The following DAGLB variants were observed in gnomAD, a reference collection of about 807,000 sequenced individuals.
DAGLB encodes the protein diacylglycerol lipase-beta.
In DAGLB, 66 loss-of-function variants were observed where a neutral mutation model predicts 72.1. That is an observed-to-expected ratio of 0.92 (90% CI 0.75 to 1.12). The LOEUF (loss-of-function observed/expected upper bound fraction) is 1.12, where lower values mean the gene tolerates loss of function less well. DAGLB is among the 50% of genes most tolerant of loss of function. The pLI is 0.00. For synonymous variants in DAGLB, 414 were observed against 359.5 expected, an observed-to-expected ratio of 1.15 and a Z score of -1.71; for missense variants, 1,065 against 884.9, an observed-to-expected ratio of 1.20 and a Z score of -2.58.
At position 6,446,477 on chromosome 7, in the gene DAGLB, CAAAAAAAAAAAAAAAAA is replaced by C. The variant is rs748156438; in HGVS notation, c.96-390_96-374del. Among the ~76,000 whole-genome samples, 15 of 58,650 alleles carry C rather than the reference CAAAAAAAAAAAAAAAAA, an allele frequency of 2.6e-4. 1 individual carries two copies. The South Asian group carries it at 0.011, about 43-fold the overall frequency. The allele number at this position is 58,650 out of a possible 152,430, so 38.5% of individuals were successfully genotyped here. ...TGGGCAACGATATGAGACTCCGTCT[CAAAAAAAAAAAAAAAAA>C]AAAAAAAAAAAAAAAAGAAATAAAA... On this transcript the variant is annotated intron_variant, in intron 1 of 14. Coordinates refer to ENST00000297056, the MANE Select transcript of DAGLB (RefSeq NM_139179.4).
At chr7:6,422,822 G>T (rs778413503) in intron 8 of DAGLB, 1 of 152,140 alleles carries the variant, frequency 6.6e-6, no homozygotes, top group African/African-American at 2.4e-5. Context: ...AAACCTCAGC[G>T]TCACACAGTA....
chr7:6,447,784 A>G lies in DAGLB; in HGVS notation c.59T>C (p.Phe20Ser), dbSNP rs1785059353. Residue 20 changes from phenylalanine (F) to serine (S), a missense_variant, in exon 1 of 15, where the codon TTC becomes TCC. By Grantham distance (155) the Phe-to-Ser change is radical (BLOSUM62 -2). Transcript: ENST00000297056. ...CACGACCAGCTCGAAGAACCCTGGG[A>G]AGACCAAGTCGTCGCTGGCGATGGC... ...RWAIASDDLVFPGFFELVVRV... is the reference protein window; with the variant it reads ...RWAIASDDLVSPGFFELVVRV... 6 of 1,613,664 alleles carry G rather than the reference A, an allele frequency of 3.7e-6. No individual in the cohort carries two copies. Among genetic ancestry groups the G allele is most frequent in the East Asian group, 4.5e-5 (2 of 44,854 alleles).
intron 2 of DAGLB, among the ~76,000 whole-genome samples, chr7:6,445,030 G>A (rs138711157): frequency 7.2e-5 from 11 of 152,306 alleles, no homozygotes; most frequent in Non-Finnish European, 1.2e-4. Flanking sequence ...ATACACTGCT[G>A]GTGGGAATGT....
intron 6 of DAGLB, among the ~76,000 whole-genome samples, chr7:6,428,315 CAAAAAAAAAA>C (rs749361631): frequency 3.9e-5 from 3 of 76,998 alleles, no homozygotes; most frequent in East Asian, 7.1e-4. Flanking sequence ...GACTCTGTCT[CAAAAAAAAAA>C]AAAAAAAAAA....
Position 6,434,825 on chromosome 7 carries a change from C to T in DAGLB, c.615G>A (p.Gly205=). 1 of 1,614,180 alleles carries T rather than the reference C, an allele frequency of 6.2e-7. No individual in the cohort carries two copies. Among genetic ancestry groups the T allele is most frequent in the Non-Finnish European group, 8.5e-7 (1 of 1,180,038 alleles). The change falls in exon 4 of 15, where the codon GGG becomes GGA. Residue 205 remains glycine, a synonymous_variant. Transcript: ENST00000297056. The stretch of plus-strand genomic sequence containing the variant: ...AAGCAACCCGAGTATGGTCGTCTTT[C>T]CCAATGCAACAGCACAAGAGCTTGA... The part of the protein sequence containing the change: ...TRIKLLCCCI[G]KDDHTRVAFS...
In DAGLB at chr7:6,409,647, TCTG is replaced by T. The variant is rs1240977652; in HGVS notation, c.*187_*189del. ...CTATCACCTGAGCGTGCTCACTACT[TCTG>T]CTACCATTATGGCCACAATGACTTC... On this transcript the variant is annotated 3_prime_UTR_variant, in exon 15 of 15. Transcript: ENST00000297056. 50 of 711,370 alleles carry T rather than the reference TCTG, an allele frequency of 7.0e-5. No individual in the cohort carries two copies. Among genetic ancestry groups the T allele is most frequent in the Non-Finnish European group, 1.0e-4 (45 of 438,420 alleles). The allele number at this position is 711,370 out of a possible 1,614,324, so 44.1% of individuals were successfully genotyped here.
At chr7:6,412,929 A>AC in intron 12 of DAGLB, 37 bp downstream of exon 12, 1 of 1,612,704 alleles carries the variant, frequency 6.2e-7, no homozygotes. Context: ...GGCACTCCCA[A>AC]CCCCCCAGCC....
In DAGLB at chr7:6,432,904, T is replaced by C. The variant is rs774787611; in HGVS notation, c.734A>G (p.Gln245Arg). 11 of 1,613,932 alleles carry C rather than the reference T, an allele frequency of 6.8e-6. No individual in the cohort carries two copies. Among genetic ancestry groups the C allele is most frequent in the Non-Finnish European group, 7.6e-6 (9 of 1,179,998 alleles). Residue 245 changes from glutamine to arginine, a missense_variant, in exon 5 of 15, where the codon CAA (glutamine) becomes CGA (arginine). Coordinates refer to ENST00000297056, the MANE Select transcript of DAGLB (RefSeq NM_139179.4). ...TTGGTTGTTCCTGATATTGTCCTGT[T>C]GCTGATGAAGCAGGGCGAGGCCCGC... ...IAAGLALLHQ[Q>R]QDNIRNNQEP...
intron 13 of DAGLB, 105 bp downstream of exon 13, chr7:6,412,706 G>T: frequency 7.8e-7 from 1 of 1,284,102 alleles, no homozygotes; most frequent in Non-Finnish European, 1.1e-6. Context: ...TCCAGCAACA[G>T]CATAGAGTGC....
intron 9 of DAGLB, among the ~76,000 whole-genome samples, chr7:6,421,421 AGCGCGGGAG>A (rs1784119443): frequency 2.9e-4 from 2 of 6,836 alleles, no homozygotes; most frequent in Admixed American, 2.8e-3. Flanking sequence ...AGGCGCAGGC[AGCGCGGGAG>A]GCGCAGGCAG....
Position 6,444,419 on chromosome 7 carries a change from T to A in DAGLB, c.247+1534A>T, listed in dbSNP as rs191447984. Reference sequence around the variant, plus strand: ...GAGATCGAGACAAGCCTGACCAACATGGTAAAACCGCATCTCTACTAAAAA... The same window carrying A: ...GAGATCGAGACAAGCCTGACCAACAAGGTAAAACCGCATCTCTACTAAAAA... On this transcript the variant is annotated intron_variant, in intron 2 of 14. Coordinates refer to ENST00000297056, the MANE Select transcript of DAGLB (RefSeq NM_139179.4). Among the ~76,000 whole-genome samples the A allele has an allele frequency of 6.6e-5, 10 of 152,134 alleles. No individual in the cohort carries two copies. The East Asian group carries it at 1.9e-3, about 29-fold the overall frequency.
chr7:6,444,838 A>G (rs1487796482), intron 2 of DAGLB, among the ~76,000 whole-genome samples: 5 of 152,114 alleles, frequency 3.3e-5, no homozygotes. Flanking sequence ...CCCGGGAGGC[A>G]GAGGTTACAG....
intron 8 of DAGLB, 121 bp from the exon 9 acceptor site, chr7:6,421,925 T>C (rs1207658940): frequency 8.8e-7 from 1 of 1,132,182 alleles, no homozygotes; most frequent in Admixed American, 2.0e-5. Flanking sequence ...CATCTCCTAG[T>C]TCGGTCCTGG....
At chr7:6,423,045 A>T (rs1683240418) in intron 8 of DAGLB, among the ~76,000 whole-genome samples, 1 of 152,184 alleles carries the variant, frequency 6.6e-6, no homozygotes, top group African/African-American at 2.4e-5. Context: ...ACAGCCCAGG[A>T]GTCCAAGACC....
intron 8 of DAGLB, chr7:6,422,118 G>A (rs1784147232): frequency 2.4e-6 from 1 of 414,870 alleles, no homozygotes; most frequent in South Asian, 2.0e-5. Flanking sequence ...CCTGTGCCAG[G>A]GTTCTGAACA....
intron 9 of DAGLB, among the ~76,000 whole-genome samples, chr7:6,418,671 T>TTTTTG (rs1783999411): frequency 1.7e-5 from 1 of 60,204 alleles, no homozygotes; most frequent in Non-Finnish European, 2.4e-5. Flanking sequence ...TCTTTTTTTG[T>TTTTTG]TTTTTTTTTT....
At chr7:6,412,939 C>G in intron 12 of DAGLB, 27 bp downstream of exon 12, 1 of 1,613,610 alleles carries the variant, frequency 6.2e-7, no homozygotes, top group Non-Finnish European at 8.5e-7. Flanking sequence ...ACCCCCCAGC[C>G]CTGGGCACAG....
intron 9 of DAGLB, among the ~76,000 whole-genome samples, chr7:6,420,469 T>C (rs1008029559): frequency 1.3e-5 from 2 of 150,452 alleles, no homozygotes; most frequent in Admixed American, 1.3e-4. Context: ...AACAGGCCAC[T>C]GACAAAAGGA....
intron 9 of DAGLB, among the ~76,000 whole-genome samples, chr7:6,420,727 CA>C (rs1784086524): frequency 6.6e-6 from 1 of 151,490 alleles, no homozygotes; most frequent in African/African-American, 2.4e-5. Context: ...AGGAATATCT[CA>C]CCAGTTACAG....
Sources: gnomAD v4.1 joint callset for allele counts (sites outside exome capture counted in the v4.1 genomes callset) on GRCh38, gnomAD v4.1.1 for gene constraint, MANE v1.5 for transcripts, NCBI Gene and HGNC (gene_info 2026-07-23, HGNC 2026-07-21) for gene names.